The following DLGAP2 variants were observed in gnomAD, a reference collection of about 807,000 sequenced individuals.
The protein encoded by DLGAP2 is disks large-associated protein 2.
Under a neutral mutation model 100.3 loss-of-function variants are expected in DLGAP2, and 26 were observed. The ratio of observed to expected loss-of-function variants is 0.26; its 90% CI spans 0.19 to 0.36. The LOEUF is 0.36. Ranked by LOEUF, DLGAP2 falls within the 10% of genes least tolerant of loss-of-function variation. DLGAP2 has a pLI of 1.00. For missense variants in DLGAP2, 1,858 were observed against 1,453.2 expected, an observed-to-expected ratio of 1.28 and a Z score of -4.53; for synonymous variants, 886 against 630.1, an observed-to-expected ratio of 1.41 and a Z score of -6.08.
At chr8:1,194,918 C>T (rs1287291414) in intron 2 of DLGAP2, among the ~76,000 whole-genome samples, 5 of 152,228 alleles carry the variant, frequency 3.3e-5, no homozygotes, top group Non-Finnish European at 5.9e-5. Context: ...ACCACCTGGG[C>T]GTTCAGTTGT....
intron 3 of DLGAP2, among the ~76,000 whole-genome samples, chr8:1,299,017 C>T (rs1427568291): frequency 1.3e-5 from 2 of 152,200 alleles, no homozygotes; most frequent in Non-Finnish European, 2.9e-5. Flanking sequence ...CAAAGGTGGG[C>T]AAAGGCTGTT....
At chr8:1,536,825 C>G (rs942683897) in intron 4 of DLGAP2, among the ~76,000 whole-genome samples, 2 of 152,162 alleles carry the variant, frequency 1.3e-5, no homozygotes, top group African/African-American at 2.4e-5. Flanking sequence ...ACTTTGACAC[C>G]ATTGAACTAA....
chr8:801,218 C>T (rs1796145313), intron 1 of DLGAP2, among the ~76,000 whole-genome samples: 1 of 152,172 alleles, frequency 6.6e-6, no homozygotes, highest in Non-Finnish European at 1.5e-5. Context: ...CAAGCAGCCG[C>T]AAAGCAATAA....
chr8:1,659,310 G>T (rs57566877), intron 8 of DLGAP2, among the ~76,000 whole-genome samples: 58,845 of 151,512 alleles, frequency 0.39, 11,791 homozygotes, highest in African/African-American at 0.5. Flanking sequence ...AGAAGAATGG[G>T]ATATTCTGCT....
chr8:1,220,849 A>G (rs561838792), intron 2 of DLGAP2, among the ~76,000 whole-genome samples: 1 of 149,780 alleles, frequency 6.7e-6, no homozygotes, highest in African/African-American at 2.4e-5. Flanking sequence ...TTTTATCATT[A>G]TGTAATGCCT....
intron 2 of DLGAP2, among the ~76,000 whole-genome samples, chr8:1,049,149 G>T (rs73538172): frequency 0.059 from 8,971 of 152,244 alleles, 860 homozygotes; most frequent in African/African-American, 0.21. Flanking sequence ...TTTAGACGAC[G>T]ACTGGTGTCT....
At chr8:1,209,292 A>G (rs1563254785) in intron 2 of DLGAP2, among the ~76,000 whole-genome samples, 1 of 152,232 alleles carries the variant, frequency 6.6e-6, no homozygotes, top group Non-Finnish European at 1.5e-5. Context: ...TGGTACTGGC[A>G]TAAAAATAGG....
intron 3 of DLGAP2, among the ~76,000 whole-genome samples, chr8:1,346,926 C>A (rs113059571): frequency 0.012 from 1,608 of 131,684 alleles, 33 homozygotes; most frequent in African/African-American, 0.043. Flanking sequence ...TTCCCATACA[C>A]GTCTGCATTG....
At chr8:1,634,123 C>T (rs1462444118) in intron 8 of DLGAP2, among the ~76,000 whole-genome samples, 2 of 152,222 alleles carry the variant, frequency 1.3e-5, no homozygotes, top group Non-Finnish European at 2.9e-5. Flanking sequence ...AAACCGTGTT[C>T]CATCATGTCC....
chr8:1,100,544 AGTTTCAGGCACCCCCGGTG>A (rs375386980), intron 2 of DLGAP2, among the ~76,000 whole-genome samples: 213 of 151,988 alleles, frequency 1.4e-3, no homozygotes, highest in African/African-American at 4.8e-3. Context: ...GCCTACCCAC[AGTTTCAGGCACCCCCGGTG>A]GTCTCAGAAT....
intron 2 of DLGAP2, among the ~76,000 whole-genome samples, chr8:1,119,751 A>G (rs2129047325): frequency 6.6e-6 from 1 of 152,354 alleles, no homozygotes; most frequent in Middle Eastern, 3.4e-3. Flanking sequence ...TTCACCTTGA[A>G]GTTGGACCAC....
intron 1 of DLGAP2, among the ~76,000 whole-genome samples, chr8:791,987 G>T (rs73539429): frequency 6.6e-6 from 1 of 152,178 alleles, no homozygotes; most frequent in Non-Finnish European, 1.5e-5. Flanking sequence ...CTGTCACTGC[G>T]TTAAGCAAGT....
chr8:1,060,123 G>A (rs1157967490), intron 2 of DLGAP2, among the ~76,000 whole-genome samples: 2 of 152,166 alleles, frequency 1.3e-5, no homozygotes, highest in East Asian at 3.9e-4. Flanking sequence ...TGTGAACCAC[G>A]GAGTGGGTGC....
intron 1 of DLGAP2, among the ~76,000 whole-genome samples, chr8:820,148 GA>G (rs1360409812): frequency 6.6e-6 from 1 of 152,182 alleles, no homozygotes; most frequent in Non-Finnish European, 1.5e-5. Flanking sequence ...AATTTGTTGG[GA>G]TAACTGGTTA....
chr8:1,512,532 G>A (rs1251533442), intron 4 of DLGAP2, among the ~76,000 whole-genome samples: 3 of 152,236 alleles, frequency 2.0e-5, no homozygotes, highest in African/African-American at 4.8e-5. Context: ...CGGGTTGCAC[G>A]TGTGACTGAC....
At chr8:1,667,306 T>C (rs184412183) in intron 8 of DLGAP2, among the ~76,000 whole-genome samples, 4 of 152,288 alleles carry the variant, frequency 2.6e-5, no homozygotes, top group Admixed American at 2.6e-4. Context: ...AGTTATTTAA[T>C]ACAGTCATCA....
chr8:1,192,716 C>G (rs1182666829), intron 2 of DLGAP2, among the ~76,000 whole-genome samples: 1 of 150,716 alleles, frequency 6.6e-6, no homozygotes, highest in Non-Finnish European at 1.5e-5. Flanking sequence ...TACGTGTGCA[C>G]AATGTGCAGG....
intron 3 of DLGAP2, among the ~76,000 whole-genome samples, chr8:1,268,199 T>G (rs1799507279): frequency 6.6e-6 from 1 of 152,210 alleles, no homozygotes; most frequent in Admixed American, 6.5e-5. Flanking sequence ...TCCATGATAG[T>G]CTCAGGAATA....
chr8:1,276,326 G>C (rs570882519), intron 3 of DLGAP2, among the ~76,000 whole-genome samples: 1 of 151,850 alleles, frequency 6.6e-6, no homozygotes, highest in South Asian at 2.1e-4. Flanking sequence ...TTAGTGTCTT[G>C]GACTGACACA....
Sources: allele counts gnomAD v4.1 joint callset (sites outside exome capture counted in the v4.1 genomes callset), GRCh38; gene constraint gnomAD v4.1.1; transcripts MANE v1.5; gene names NCBI Gene and HGNC (gene_info 2026-07-23, HGNC 2026-07-21).